PARD3B: variants seen among roughly 807,000 people sequenced by gnomAD.
The protein encoded by PARD3B is par-3 family cell polarity regulator beta, also known as partitioning defective 3 homolog B.
A neutral mutation model predicts 130.2 loss-of-function variants in PARD3B; 103 were observed. The ratio of observed to expected loss-of-function variants is 0.79; its 90% CI spans 0.67 to 0.93. The LOEUF is 0.93. Among genes scored for constraint, PARD3B ranks in the 40% least tolerant of loss-of-function variants. The pLI is 0.00. For missense variants in PARD3B, 1,609 were observed against 1,499.2 expected (o/e 1.07, Z -1.21); for synonymous variants, 583 against 553.2 (o/e 1.05, Z -0.76).
chr2:204,761,172 A>C (rs1029436083), intron 2 of PARD3B, among the ~76,000 whole-genome samples: 5 of 152,214 alleles, frequency 3.3e-5, no homozygotes, highest in African/African-American at 4.8e-5. Context: ...CAATCATTGT[A>C]TGGCCAAGGA....
intron 1 of PARD3B, among the ~76,000 whole-genome samples, chr2:204,550,320 G>A (rs1186536200): frequency 6.6e-6 from 1 of 152,174 alleles, no homozygotes; most frequent in Non-Finnish European, 1.5e-5. Context: ...TTGTGTGTGT[G>A]TGTTCAGTAC....
intron 18 of PARD3B, among the ~76,000 whole-genome samples, chr2:205,337,582 G>A (rs1284874214): frequency 6.6e-6 from 1 of 152,172 alleles, no homozygotes; most frequent in Non-Finnish European, 1.5e-5. Context: ...TTACTCTGCT[G>A]AGAGTACTAA....
chr2:204,833,707 C>T (rs1195227887), intron 2 of PARD3B, among the ~76,000 whole-genome samples: 2 of 152,046 alleles, frequency 1.3e-5, no homozygotes, highest in Non-Finnish European at 2.9e-5. Flanking sequence ...TTGCCTTCCG[C>T]CATGATTGTG....
intron 16 of PARD3B, among the ~76,000 whole-genome samples, chr2:205,271,412 C>CT (rs1249167431): frequency 6.6e-6 from 1 of 152,162 alleles, no homozygotes; most frequent in Non-Finnish European, 1.5e-5. Flanking sequence ...AAAGTCACTG[C>CT]TATGTGATCA....
chr2:204,950,858 A>G (rs1386136159), intron 2 of PARD3B, among the ~76,000 whole-genome samples: 2 of 152,044 alleles, frequency 1.3e-5, no homozygotes, highest in Non-Finnish European at 2.9e-5. Context: ...TTAAACCACA[A>G]TCTGGAATCC....
chr2:204,765,557 T>G (rs1198282147), intron 2 of PARD3B, among the ~76,000 whole-genome samples: 1 of 152,258 alleles, frequency 6.6e-6, no homozygotes, highest in Admixed American at 6.5e-5. Flanking sequence ...GTCTGAGGCA[T>G]TAATAATTTC....
chr2:205,187,783 G>A lies in PARD3B; in HGVS notation c.2024+1920G>A, dbSNP rs777048368. 2.6e-5 allele frequency among the ~76,000 whole-genome samples: 4 copies of A among 152,014 alleles called. No individual in the cohort carries two copies. Among genetic ancestry groups the A allele is most frequent in the East Asian group, 3.9e-4 (2 of 5,180 alleles). ...CTAGTAACTTCCATCTTCTTTTCACGTCTTCCTTCCTAGTCCCGTGTGTTT... is the reference window on the plus strand; with the variant it reads ...CTAGTAACTTCCATCTTCTTTTCACATCTTCCTTCCTAGTCCCGTGTGTTT... On this transcript the variant is annotated intron_variant, in intron 14 of 22. Coordinates refer to ENST00000406610, the MANE Select transcript of PARD3B (RefSeq NM_001302769.2). This position sits in a 1 kb window ranked among gnomAD's most constrained non-coding sequence, Gnocchi z 4.9.
chr2:205,104,535 A>G, intron 5 of PARD3B, 21 bp downstream of exon 5: 1 of 1,366,128 alleles, frequency 7.3e-7, no homozygotes, highest in Non-Finnish European at 1.0e-6. Flanking sequence ...TATACAGATA[A>G]GAATATCTGA....
chr2:205,043,860 GT>G (rs763835660), intron 3 of PARD3B, among the ~76,000 whole-genome samples: 5 of 151,654 alleles, frequency 3.3e-5, no homozygotes, highest in Non-Finnish European at 7.4e-5. Context: ...CAATGTGCAG[GT>G]TAGTTATGTA....
At chr2:205,013,085 A>G (rs868586587) in intron 3 of PARD3B, among the ~76,000 whole-genome samples, 9 of 152,204 alleles carry the variant, frequency 5.9e-5, no homozygotes, top group Admixed American at 2.6e-4. Context: ...GTCCCTACCC[A>G]TGCAAGCTAG....
intron 2 of PARD3B, among the ~76,000 whole-genome samples, chr2:204,861,640 CTT>C (rs974387727): frequency 3.9e-5 from 6 of 152,038 alleles, no homozygotes; most frequent in Non-Finnish European, 5.9e-5. Flanking sequence ...GATTATTTAA[CTT>C]TTGAGAAGTA....
chr2:205,257,518 T>C (rs1033842273), intron 16 of PARD3B, among the ~76,000 whole-genome samples: 1 of 152,164 alleles, frequency 6.6e-6, no homozygotes, highest in African/African-American at 2.4e-5. Flanking sequence ...GAAATACTAC[T>C]GTAGGTTGAT....
chr2:204,560,556 T>G (rs1442172974), intron 1 of PARD3B, among the ~76,000 whole-genome samples: 13 of 130,664 alleles, frequency 9.9e-5, no homozygotes, highest in Admixed American at 2.5e-4. Context: ...GAAGTAGGAG[T>G]GGAAGATGGG....
At chr2:205,083,267 T>G (rs944694885) in intron 4 of PARD3B, among the ~76,000 whole-genome samples, 2 of 151,442 alleles carry the variant, frequency 1.3e-5, no homozygotes, top group Non-Finnish European at 2.9e-5. Flanking sequence ...GACTGTTATA[T>G]AGTAATATTC....
chr2:205,569,173 C>CT (rs35631253), intron 22 of PARD3B, among the ~76,000 whole-genome samples: 102 of 147,324 alleles, frequency 6.9e-4, no homozygotes, highest in African/African-American at 1.9e-3. Flanking sequence ...TATTAGAATC[C>CT]TTTTTTTTTT....
At chr2:204,732,507 C>CTTTT (rs58373732) in intron 2 of PARD3B, among the ~76,000 whole-genome samples, 3 of 144,590 alleles carry the variant, frequency 2.1e-5, no homozygotes, top group Non-Finnish European at 3.0e-5. Flanking sequence ...GTAAGGATAT[C>CTTTT]TTTTTTTTTT....
At chr2:204,615,532 T>G (rs751608084) in intron 1 of PARD3B, among the ~76,000 whole-genome samples, 3 of 152,164 alleles carry the variant, frequency 2.0e-5, no homozygotes, top group Non-Finnish European at 4.4e-5. Context: ...TCAGAAAAAT[T>G]GGGAAATTGT....
At chr2:205,500,692 T>G (rs182502287) in intron 21 of PARD3B, among the ~76,000 whole-genome samples, 36 of 152,322 alleles carry the variant, frequency 2.4e-4, no homozygotes, top group Non-Finnish European at 4.3e-4. Context: ...TCTACAAAAA[T>G]GCCCAGGAAG....
At chr2:205,134,288 T>C (rs1006543026) in intron 10 of PARD3B, among the ~76,000 whole-genome samples, 17 of 150,878 alleles carry the variant, frequency 1.1e-4, no homozygotes, top group African/African-American at 4.1e-4. Context: ...TTCAGGAGGC[T>C]GAGGTTGGTG....
Sources: allele counts gnomAD v4.1 joint callset (sites outside exome capture counted in the v4.1 genomes callset), GRCh38; gene constraint gnomAD v4.1.1; non-coding constraint Gnocchi (gnomAD v3.1); transcripts MANE v1.5; gene names NCBI Gene and HGNC (gene_info 2026-07-23, HGNC 2026-07-21).